The following SCP2 variants were observed in gnomAD, a reference collection of about 807,000 sequenced individuals.
SCP2 encodes sterol carrier protein 2, also known as SCP-2/3-oxoacyl-CoA thiolase.
A neutral mutation model predicts 71.4 loss-of-function variants in SCP2; 48 were observed. That is an observed-to-expected ratio of 0.67 (90% CI 0.53 to 0.86). The LOEUF (loss-of-function observed/expected upper bound fraction) is 0.86, where lower values mean the gene tolerates loss of function less well. Ranked by LOEUF, SCP2 falls within the 40% of genes least tolerant of loss-of-function variation. The probability of loss-of-function intolerance (pLI) is 0.00; values close to 1 mark genes in which losing one functional copy is unlikely to be tolerated. For missense variants in SCP2, 560 were observed against 655.6 expected, an observed-to-expected ratio of 0.85 and a Z score of 1.59; for synonymous variants, 220 against 218.1, an observed-to-expected ratio of 1.01 and a Z score of -0.08.
At chr1:52,984,858 C>T (rs1177716362) in intron 10 of SCP2, among the ~76,000 whole-genome samples, 14 of 117,922 alleles carry the variant, frequency 1.2e-4, no homozygotes, top group Admixed American at 6.5e-4. Context: ...TTTTTTTTTC[C>T]GAGACAGTTT....
At chr1:53,012,339 C>T (rs1661039678) in intron 11 of SCP2, among the ~76,000 whole-genome samples, 2 of 152,256 alleles carry the variant, frequency 1.3e-5, no homozygotes, top group African/African-American at 4.8e-5. Context: ...TTCTATAGGG[C>T]TGTTCCATAC....
chr1:52,987,103 G>A (rs1380062335), intron 10 of SCP2, among the ~76,000 whole-genome samples: 6 of 149,936 alleles, frequency 4.0e-5, no homozygotes, highest in Non-Finnish European at 8.9e-5. Flanking sequence ...TAGAGATGGG[G>A]TTTCACCATG....
At chr1:52,954,021 C>G (rs1369357934) in intron 4 of SCP2, among the ~76,000 whole-genome samples, 1 of 150,224 alleles carries the variant, frequency 6.7e-6, no homozygotes, top group Non-Finnish European at 1.5e-5. Context: ...CCCAGCAAAA[C>G]CTTTGTGGTG....
At chr1:52,932,012 G>C (rs1572036517) in intron 1 of SCP2, among the ~76,000 whole-genome samples, 1 of 151,952 alleles carries the variant, frequency 6.6e-6, no homozygotes. Flanking sequence ...ATATTCAATA[G>C]AAGATAACGT....
intron 11 of SCP2, among the ~76,000 whole-genome samples, chr1:53,005,321 C>A (rs1438718604): frequency 1.3e-5 from 2 of 152,160 alleles, no homozygotes; most frequent in Non-Finnish European, 2.9e-5. Flanking sequence ...GAACAGATTG[C>A]CTTAAGTGGG....
chr1:52,959,893 ATTT>A (rs762724510), intron 5 of SCP2, among the ~76,000 whole-genome samples: 2 of 139,826 alleles, frequency 1.4e-5, no homozygotes, highest in African/African-American at 2.6e-5. Context: ...CTGATTTTCA[ATTT>A]TTTTTTTTTT....
At chr1:53,006,473 T>G (rs1660645917) in intron 11 of SCP2, among the ~76,000 whole-genome samples, 1 of 152,138 alleles carries the variant, frequency 6.6e-6, no homozygotes, top group African/African-American at 2.4e-5. Context: ...GGGGCCAATA[T>G]TCAACATTCT....
intron 13 of SCP2, among the ~76,000 whole-genome samples, chr1:53,030,750 G>C (rs1333662487): frequency 1.3e-5 from 2 of 151,770 alleles, no homozygotes; most frequent in African/African-American, 4.8e-5. Context: ...AAATTAGCCA[G>C]GCATGATGGC....
At position 52,954,845 on chromosome 1, in the gene SCP2, A is replaced by C. The variant is rs1056563744; in HGVS notation, c.396+41A>C. 5 of 1,468,286 alleles carry C rather than the reference A, an allele frequency of 3.4e-6. No homozygotes were observed. In the African/African-American group the frequency reaches 6.9e-5, roughly 20 times the overall value. 91.0% of individuals were successfully genotyped at this position (1,468,286 alleles called of 1,614,324 possible). ...GCATAGTTACTAAATGAGCTAATAT[A>C]ACCCAAAAGTTGAAAGGTGATACTT... On this transcript the variant is annotated intron_variant, in intron 5 of 15. Transcript: ENST00000371514.
chr1:52,939,461 G>T (rs935238762), intron 1 of SCP2, among the ~76,000 whole-genome samples: 13 of 152,212 alleles, frequency 8.5e-5, no homozygotes, highest in Admixed American at 7.8e-4. Flanking sequence ...TGGGAGGATT[G>T]CTTGAGCCCG....
chr1:52,998,275 T>G (rs1660069861), intron 11 of SCP2, among the ~76,000 whole-genome samples: 1 of 152,190 alleles, frequency 6.6e-6, no homozygotes, highest in South Asian at 2.1e-4. Context: ...GCAAAATTTC[T>G]GGGTCATAGG....
intron 12 of SCP2, among the ~76,000 whole-genome samples, chr1:53,015,725 A>G (rs1049363603): frequency 2.0e-4 from 30 of 152,114 alleles, no homozygotes; most frequent in Non-Finnish European, 1.5e-5. Context: ...GTCTTCCCTT[A>G]GATCTCTTTT....
At chr1:53,017,456 G>T (rs972870870) in intron 12 of SCP2, among the ~76,000 whole-genome samples, 30 of 152,140 alleles carry the variant, frequency 2.0e-4, no homozygotes, top group African/African-American at 7.2e-4. Flanking sequence ...GAATCAAAAA[G>T]CCTTTGAGTC....
intron 4 of SCP2, among the ~76,000 whole-genome samples, chr1:52,953,660 A>G (rs534894431): frequency 6.6e-6 from 1 of 152,016 alleles, no homozygotes; most frequent in South Asian, 2.1e-4. Flanking sequence ...TTTTCCTCTT[A>G]TCTAGAAGAA....
chr1:53,030,195 C>A (rs539468376), intron 13 of SCP2, among the ~76,000 whole-genome samples: 9 of 152,250 alleles, frequency 5.9e-5, no homozygotes, highest in African/African-American at 2.2e-4. Context: ...GCCGTTTACC[C>A]TCATTTTTAA....
intron 2 of SCP2, chr1:52,943,884 A>T: frequency 2.2e-6 from 1 of 450,058 alleles, no homozygotes; most frequent in South Asian, 1.8e-5. Flanking sequence ...TGCTTCCTGG[A>T]TGCTTTACCA....
In SCP2 at chr1:52,980,475, T is replaced by C; in HGVS notation, c.905T>C (p.Ile302Thr). ...SGLTPNDIDV[I>T]ELHDCFSTNE... is the part of the protein sequence containing the mutation. ...CTGACACCAAATGATATTGACGTAA[T>C]AGAACTTCACGATTGCTTTTCTACC... Residue 302 changes from isoleucine to threonine, a missense_variant, in exon 10 of 16, where the codon ATA becomes ACA. Physicochemically the swap from Ile to Thr is moderately conservative, Grantham distance 89. Coordinates refer to ENST00000371514, the MANE Select transcript of SCP2 (RefSeq NM_002979.5). 1 of 1,613,982 alleles carries C rather than the reference T, an allele frequency of 6.2e-7. No individual in the cohort carries two copies.
At chr1:53,010,329 G>A (rs1428809548) in intron 11 of SCP2, among the ~76,000 whole-genome samples, 2 of 152,146 alleles carry the variant, frequency 1.3e-5, no homozygotes, top group East Asian at 1.9e-4. Flanking sequence ...ACATGCACAC[G>A]TATGTTTATT....
At chr1:52,945,753 A>G (rs1198415768) in intron 2 of SCP2, among the ~76,000 whole-genome samples, 1 of 151,782 alleles carries the variant, frequency 6.6e-6, no homozygotes, top group East Asian at 1.9e-4. Flanking sequence ...TAATATATAT[A>G]TATATATGCC....
Sources: gnomAD v4.1 joint callset for allele counts (sites outside exome capture counted in the v4.1 genomes callset) on GRCh38, gnomAD v4.1.1 for gene constraint, MANE v1.5 for transcripts, NCBI Gene and HGNC (gene_info 2026-07-23, HGNC 2026-07-21) for gene names.